NRP1: variants seen among roughly 807,000 people sequenced by gnomAD.
The protein encoded by NRP1 is neuropilin-1.
Under a neutral mutation model 106.7 loss-of-function variants are expected in NRP1, and 35 were observed. That is an observed-to-expected ratio of 0.33 (90% CI 0.25 to 0.43). NRP1 has a LOEUF of 0.43. Among genes scored for constraint, NRP1 ranks in the 20% least tolerant of loss-of-function variants. The pLI, the probability that NRP1 is intolerant of heterozygous loss-of-function variation, is 1.00. For synonymous variants in NRP1, 437 were observed against 417.9 expected (o/e 1.05, Z -0.56); for missense variants, 1,024 against 1,170.4 (o/e 0.87, Z 1.83).
At chr10:33,202,416 CA>C (rs1191136556) in intron 11 of NRP1, 2 of 486,576 alleles carry the variant, frequency 4.1e-6, no homozygotes, top group African/African-American at 1.9e-5. Flanking sequence ...AATGATTTAC[CA>C]AATCCCAACT....
At chr10:33,300,222 G>C (rs1050668459) in intron 2 of NRP1, among the ~76,000 whole-genome samples, 4 of 152,186 alleles carry the variant, frequency 2.6e-5, no homozygotes, top group African/African-American at 9.7e-5. Context: ...AAGGGGACAA[G>C]AAAGTTCCTT....
At chr10:33,329,332 T>A (rs1207763195) in intron 2 of NRP1, among the ~76,000 whole-genome samples, 1 of 152,204 alleles carries the variant, frequency 6.6e-6, no homozygotes, top group Admixed American at 6.5e-5. Context: ...AAACTGGTCA[T>A]CAGCCTGTGG....
At chr10:33,221,571 T>G in intron 8 of NRP1, 148 bp downstream of exon 8, 1 of 955,050 alleles carries the variant, frequency 1.0e-6, no homozygotes, top group Non-Finnish European at 1.5e-6. Flanking sequence ...AACTCGGATT[T>G]GTCTAAATCC....
At chr10:33,236,879 A>G (rs1394645007) in intron 6 of NRP1, among the ~76,000 whole-genome samples, 2 of 152,202 alleles carry the variant, frequency 1.3e-5, no homozygotes, top group Non-Finnish European at 2.9e-5. Context: ...ACTAAGTGCT[A>G]ACTTCCTGTA....
chr10:33,256,112 T>G (rs1842179286), intron 5 of NRP1, among the ~76,000 whole-genome samples: 1 of 152,198 alleles, frequency 6.6e-6, no homozygotes, highest in South Asian at 2.1e-4. Flanking sequence ...CCAAGCAGGC[T>G]TCTCACCCAC....
At position 33,182,151 on chromosome 10, in the gene NRP1, C is replaced by T. The variant is rs567081607; in HGVS notation, c.2482+547G>A. On this transcript the variant is annotated intron_variant, in intron 16 of 16. Coordinates refer to ENST00000374867, the MANE Select transcript of NRP1 (RefSeq NM_003873.7). ...GTAAAGTGCTCAGAACATACTAACT[C>T]TTCAATAAATCCTTCTTATCATCAT... Among the ~76,000 whole-genome samples, 32 of 152,046 alleles carry T rather than the reference C, an allele frequency of 2.1e-4. 1 individual carries two copies. The highest frequency in any genetic ancestry group is 9.2e-4 in the Admixed American group (14 of 15,252).
At chr10:33,289,876 G>A (rs1024363096) in intron 2 of NRP1, among the ~76,000 whole-genome samples, 1 of 152,142 alleles carries the variant, frequency 6.6e-6, no homozygotes, top group African/African-American at 2.4e-5. Flanking sequence ...CCTTTTGTAC[G>A]GAAGGTCAGT....
intron 13 of NRP1, among the ~76,000 whole-genome samples, chr10:33,188,558 T>C (rs1039248721): frequency 6.6e-6 from 1 of 152,076 alleles, no homozygotes; most frequent in Non-Finnish European, 1.5e-5. Flanking sequence ...TTATGGTCCC[T>C]GCCTTCTCAC....
intron 15 of NRP1, among the ~76,000 whole-genome samples, chr10:33,183,204 G>C (rs1053101572): frequency 3.3e-5 from 5 of 152,094 alleles, no homozygotes; most frequent in African/African-American, 1.2e-4. Flanking sequence ...TGCTTAGGAG[G>C]CTGAGGCGGA....
chr10:33,192,079 G>A (rs1836455840), intron 13 of NRP1, among the ~76,000 whole-genome samples: 1 of 151,940 alleles, frequency 6.6e-6, no homozygotes, highest in African/African-American at 2.4e-5. Context: ...CAACTTCAAG[G>A]GGCATTACTA....
chr10:33,220,255 A>AT (rs558709291), intron 8 of NRP1, among the ~76,000 whole-genome samples: 147 of 152,164 alleles, frequency 9.7e-4, no homozygotes, highest in African/African-American at 3.3e-3. Flanking sequence ...TGCCAAAGTG[A>AT]TTTTTTTTCC....
chr10:33,232,290 C>A (rs571490568), intron 6 of NRP1, among the ~76,000 whole-genome samples: 14 of 152,284 alleles, frequency 9.2e-5, no homozygotes, highest in African/African-American at 3.4e-4. Context: ...AATTAAGTAA[C>A]CTGCTTTCCC....
chr10:33,233,745 C>A (rs887676410), intron 6 of NRP1, among the ~76,000 whole-genome samples: 6 of 152,160 alleles, frequency 3.9e-5, no homozygotes, highest in Non-Finnish European at 5.9e-5. Context: ...TGATTAAAAA[C>A]AGGAAAATAT....
rs1359388539 is a variant in NRP1 at position 33,177,694 on chromosome 10, A to C, written c.*2382T>G. ...TGTCATATTGTCATAGAAAATAATAATTTCTGTAAAAAAAATCTGCACAAA... is the reference window on the plus strand; with the variant it reads ...TGTCATATTGTCATAGAAAATAATACTTTCTGTAAAAAAAATCTGCACAAA... On this transcript the variant is annotated 3_prime_UTR_variant, in exon 17 of 17. Transcript: ENST00000374867. The C allele has an allele frequency of 1.3e-5, 2 of 152,638 alleles. No individual in the cohort carries two copies. The highest frequency in any genetic ancestry group is 1.3e-4 in the Admixed American group (2 of 15,282). 9.5% of individuals were successfully genotyped at this position (152,638 alleles called of 1,614,324 possible).
intron 2 of NRP1, among the ~76,000 whole-genome samples, chr10:33,278,430 A>C (rs1048633311): frequency 6.6e-6 from 1 of 152,186 alleles, no homozygotes; most frequent in African/African-American, 2.4e-5. Context: ...CCAGAGCAGC[A>C]ATGTGACATC....
At chr10:33,309,098 T>G (rs1159934311) in intron 2 of NRP1, among the ~76,000 whole-genome samples, 3 of 152,200 alleles carry the variant, frequency 2.0e-5, no homozygotes, top group Non-Finnish European at 4.4e-5. Flanking sequence ...ATGAATCACA[T>G]TATCTTTTCA....
intron 2 of NRP1, among the ~76,000 whole-genome samples, chr10:33,292,628 G>A (rs1845082626): frequency 6.6e-6 from 1 of 152,126 alleles, no homozygotes; most frequent in African/African-American, 2.4e-5. Flanking sequence ...GGCTTGAAAG[G>A]CCCTGAAGAG....
chr10:33,198,264 C>G (rs1209523270), intron 11 of NRP1, among the ~76,000 whole-genome samples: 1 of 151,600 alleles, frequency 6.6e-6, no homozygotes, highest in Non-Finnish European at 1.5e-5. Flanking sequence ...GCCTCAGACT[C>G]CCGAGTAGCT....
intron 4 of NRP1, among the ~76,000 whole-genome samples, chr10:33,260,985 C>CAAAAAAAAAAAAAAA (rs35665366): frequency 1.7e-5 from 1 of 60,068 alleles, no homozygotes; most frequent in African/African-American, 6.4e-5. Context: ...TGCCATTGAC[C>CAAAAAAAAAAAAAAA]AAAAAAAAAA....
Sources: allele counts gnomAD v4.1 joint callset (sites outside exome capture counted in the v4.1 genomes callset), GRCh38; gene constraint gnomAD v4.1.1; transcripts MANE v1.5; gene names NCBI Gene and HGNC (gene_info 2026-07-23, HGNC 2026-07-21).